Variants in RFX7 observed in about 807,000 individuals in gnomAD.
RFX7 encodes the protein regulatory factor X7, also known as DNA-binding protein RFX7.
In RFX7, 26 loss-of-function variants were observed where a neutral mutation model predicts 111.8. The ratio of observed to expected loss-of-function variants is 0.23; its 90% confidence interval spans 0.17 to 0.32. The LOEUF is 0.32. RFX7 is among the 10% of genes least tolerant of loss of function. RFX7 has a pLI of 1.00. For synonymous variants in RFX7, 624 were observed against 624.4 expected, an observed-to-expected ratio of 1.00 and a Z score of 0.01; for missense variants, 1,573 against 1,772.9, an observed-to-expected ratio of 0.89 and a Z score of 2.02.
intron 2 of RFX7, among the ~76,000 whole-genome samples, chr15:56,235,845 T>C (rs1194049691): frequency 3.3e-5 from 5 of 152,212 alleles, no homozygotes; most frequent in Admixed American, 2.6e-4. Context: ...TATTCAAATT[T>C]AGACAACAAA....
chr15:56,169,914 CAG>C (rs1491175833), intron 3 of RFX7, among the ~76,000 whole-genome samples: 168 of 143,838 alleles, frequency 1.2e-3, no homozygotes, highest in African/African-American at 4.2e-3. Context: ...ATGGCAGAAA[CAG>C]AAAAAAAAAA....
At chr15:56,220,066 T>G (rs1379282377) in intron 2 of RFX7, among the ~76,000 whole-genome samples, 2 of 152,292 alleles carry the variant, frequency 1.3e-5, no homozygotes, top group Non-Finnish European at 2.9e-5. Flanking sequence ...AACCTTTTTT[T>G]TTGACTTTTT....
At chr15:56,170,133 C>T (rs977099250) in intron 3 of RFX7, among the ~76,000 whole-genome samples, 3 of 152,112 alleles carry the variant, frequency 2.0e-5, no homozygotes, top group Admixed American at 6.6e-5. Flanking sequence ...ATATTGATCA[C>T]GTTCATGTGC....
chr15:56,224,064 T>C (rs777907155), intron 2 of RFX7, among the ~76,000 whole-genome samples: 1 of 151,264 alleles, frequency 6.6e-6, no homozygotes, highest in African/African-American at 2.4e-5. Flanking sequence ...GATAGGCAAA[T>C]AACATAAATG....
Position 56,090,851 on chromosome 15 carries a change from T to A in RFX7, c.*2494A>T, listed in dbSNP as rs949231297. On this transcript the variant is annotated 3_prime_UTR_variant, in exon 10 of 10. Transcript: ENST00000559447. ...AAAGTCAGTGCTTATTGCAATTATA[T>A]GCAAAATTATTTACTTCATGAAGTT... is the stretch of plus-strand genomic sequence containing the variant. The A allele has an allele frequency of 3.3e-5, 5 of 152,626 alleles. No homozygotes were observed. The highest frequency in any genetic ancestry group is 1.2e-4 in the African/African-American group (5 of 41,452). The allele number at this position is 152,626 out of a possible 1,614,324, so 9.5% of individuals were successfully genotyped here.
intron 1 of RFX7, 77 bp from the exon 2 acceptor site, chr15:56,243,364 C>G: frequency 2.3e-4 from 129 of 563,328 alleles, no homozygotes; most frequent in Middle Eastern, 1.8e-3. Context: ...GAGGGGAGGA[C>G]GAAGGGGGGA....
At chr15:56,220,201 C>A (rs1295922363) in intron 2 of RFX7, among the ~76,000 whole-genome samples, 1 of 151,992 alleles carries the variant, frequency 6.6e-6, no homozygotes, top group Non-Finnish European at 1.5e-5. Flanking sequence ...CTGTTCATAT[C>A]CCACTTTTTA....
chr15:56,202,508 T>C (rs1292736909), intron 2 of RFX7, among the ~76,000 whole-genome samples: 2 of 152,164 alleles, frequency 1.3e-5, no homozygotes, highest in African/African-American at 4.8e-5. Context: ...TCATGAGCTA[T>C]ACTTAAAAGT....
Position 56,096,270 on chromosome 15 carries a change from G to A in RFX7, c.1458C>T (p.Asn486=), listed in dbSNP as rs1313666941. The change falls in exon 10 of 10, where the codon AAC becomes AAT. Residue 486 remains asparagine (N), a synonymous_variant. Coordinates refer to ENST00000559447, the MANE Select transcript of RFX7 (RefSeq NM_022841.7). The part of the protein sequence containing the change: ...TTISLTPSNS[N]TPLKHSASVS... ...CTGAGGCAGAATGTTTAAGAGGGGT[G>A]TTACTGTTGCTGGGTGTGAGGGATA... 1.2e-6 allele frequency: 2 copies of A among 1,613,858 alleles called. No individual in the cohort carries two copies. The highest frequency in any genetic ancestry group is 1.1e-5 in the South Asian group (1 of 91,090).
intron 5 of RFX7, among the ~76,000 whole-genome samples, chr15:56,136,242 C>T (rs1353873760): frequency 5.5e-5 from 8 of 145,946 alleles, no homozygotes; most frequent in Non-Finnish European, 1.2e-4. Context: ...TTCTTCCTAC[C>T]CATGAGCATG....
intron 2 of RFX7, among the ~76,000 whole-genome samples, chr15:56,200,760 C>A (rs1316510246): frequency 3.9e-5 from 6 of 151,976 alleles, no homozygotes; most frequent in Non-Finnish European, 8.8e-5. Flanking sequence ...GGTCGCACCA[C>A]TGCACTCCAG....
At chr15:56,134,771 T>A (rs2042273175) in intron 5 of RFX7, among the ~76,000 whole-genome samples, 2 of 151,468 alleles carry the variant, frequency 1.3e-5, no homozygotes, top group South Asian at 2.1e-4. Context: ...CCTACCGCCC[T>A]CCCCAACAAC....
intron 2 of RFX7, among the ~76,000 whole-genome samples, chr15:56,234,164 G>T (rs2043598083): frequency 6.6e-6 from 1 of 152,066 alleles, no homozygotes; most frequent in Admixed American, 6.6e-5. Context: ...TTCTGTATTT[G>T]TTTATACCAC....
At chr15:56,235,907 A>T (rs1178633057) in intron 2 of RFX7, among the ~76,000 whole-genome samples, 1 of 152,220 alleles carries the variant, frequency 6.6e-6, no homozygotes, top group Non-Finnish European at 1.5e-5. Context: ...TTTGGAAGAC[A>T]TGGTAGTGTG....
At chr15:56,202,692 G>C (rs1443839429) in intron 2 of RFX7, among the ~76,000 whole-genome samples, 2 of 152,194 alleles carry the variant, frequency 1.3e-5, no homozygotes, top group African/African-American at 4.8e-5. Context: ...TGTGCTTATA[G>C]ATCCAGCTAT....
At chr15:56,187,560 C>CTGTT (rs57926455) in intron 2 of RFX7, among the ~76,000 whole-genome samples, 45,357 of 151,806 alleles carry the variant, frequency 0.3, 7,702 homozygotes, top group Middle Eastern at 0.47. Flanking sequence ...AAGCAGGAAT[C>CTGTT]TGTTGTCTTG....
intron 3 of RFX7, among the ~76,000 whole-genome samples, chr15:56,150,681 C>A (rs545941078): frequency 1.3e-5 from 2 of 152,144 alleles, no homozygotes; most frequent in African/African-American, 4.8e-5. Flanking sequence ...CACAACCCCT[C>A]GCCAGCAAGG....
chr15:56,131,324 G>A (rs1446370473), intron 5 of RFX7, among the ~76,000 whole-genome samples: 1 of 22,124 alleles, frequency 4.5e-5, no homozygotes, highest in African/African-American at 1.3e-4. Flanking sequence ...TGTCACCCAG[G>A]TTGGAGTGCA....
chr15:56,152,462 A>G (rs553372032), intron 3 of RFX7, among the ~76,000 whole-genome samples: 1 of 152,336 alleles, frequency 6.6e-6, no homozygotes, highest in South Asian at 2.1e-4. Context: ...TACTGGGTAA[A>G]TAACGAAATG....
Sources: allele counts gnomAD v4.1 joint callset (sites outside exome capture counted in the v4.1 genomes callset), GRCh38; gene constraint gnomAD v4.1.1; transcripts MANE v1.5; gene names NCBI Gene and HGNC (gene_info 2026-07-23, HGNC 2026-07-21).